Variants in LDLRAD4 observed in about 807,000 individuals in gnomAD.
LDLRAD4 encodes low-density lipoprotein receptor class A domain-containing protein 4.
In LDLRAD4, 5 loss-of-function variants were observed where a neutral mutation model predicts 17.0. That is an observed-to-expected ratio of 0.29 (90% CI 0.15 to 0.62). LDLRAD4 has a LOEUF of 0.62. LDLRAD4 is among the 20% of genes least tolerant of loss of function. The pLI is 0.84. For missense variants in LDLRAD4, 340 were observed against 424.7 expected (o/e 0.80, Z 1.75); for synonymous variants, 168 against 171.8 (o/e 0.98, Z 0.17).
chr18:13,324,943 G>C (rs141907827), intron 1 of LDLRAD4, among the ~76,000 whole-genome samples: 1 of 152,180 alleles, frequency 6.6e-6, no homozygotes, highest in Non-Finnish European at 1.5e-5. Context: ...GTAGAGGGAC[G>C]TCAATTACGC....
intron 3 of LDLRAD4, among the ~76,000 whole-genome samples, chr18:13,551,427 A>G (rs1300506220): frequency 1.3e-5 from 2 of 152,220 alleles, no homozygotes; most frequent in Non-Finnish European, 2.9e-5. Flanking sequence ...GACACAGAGC[A>G]AAGAGTGAAT....
exon 6 of LDLRAD4, chr18:13,650,665 A>G: frequency 3.6e-6 from 1 of 276,950 alleles, no homozygotes; most frequent in Non-Finnish European, 6.7e-6. Flanking sequence ...AGTTGAATAT[A>G]TTATGCACAT....
intron 3 of LDLRAD4, among the ~76,000 whole-genome samples, chr18:13,620,288 C>T (rs957268209): frequency 2.0e-5 from 3 of 152,234 alleles, no homozygotes; most frequent in African/African-American, 7.2e-5. Context: ...TCTCTTCTTA[C>T]TCCTGCCTCC....
intron 3 of LDLRAD4, among the ~76,000 whole-genome samples, chr18:13,463,263 A>G (rs1262663020): frequency 6.6e-6 from 1 of 152,050 alleles, no homozygotes; most frequent in Non-Finnish European, 1.5e-5. Context: ...CCTGTCCCCC[A>G]GTTCTCCTTT....
chr18:13,321,604 G>A (rs575708571), intron 1 of LDLRAD4, among the ~76,000 whole-genome samples: 54 of 152,150 alleles, frequency 3.5e-4, no homozygotes, highest in Admixed American at 7.9e-4. Context: ...GGTGACTCAC[G>A]CCTGTAATCC....
chr18:13,271,372 G>T (rs770255276), intron 1 of LDLRAD4, among the ~76,000 whole-genome samples: 2 of 152,192 alleles, frequency 1.3e-5, no homozygotes, highest in Non-Finnish European at 2.9e-5. Flanking sequence ...AAAGCGAAGG[G>T]TGGAGAGGGA....
At position 13,429,903 on chromosome 18, in the gene LDLRAD4, A is replaced by G. The variant is rs76728359; in HGVS notation, c.41-8341A>G. Among the ~76,000 whole-genome samples, 628 of 152,352 alleles carry G rather than the reference A, an allele frequency of 4.1e-3. 5 individuals are homozygous for G. Among genetic ancestry groups the G allele is most frequent in the African/African-American group, 0.014 (600 of 41,588 alleles). On this transcript the variant is annotated intron_variant, in intron 2 of 5. Coordinates refer to ENST00000359446, the Ensembl canonical transcript of LDLRAD4. ...CACTTTATCATAGGAATCTAGAGAT[A>G]AAGAGTTGCCTGAGGATACACAGAA...
At chr18:13,273,541 C>G (rs1023274890), upstream of LDLRAD4, among the ~76,000 whole-genome samples, 3 of 152,184 alleles carry the variant, frequency 2.0e-5, no homozygotes, top group Non-Finnish European at 4.4e-5. Flanking sequence ...ATCCTCCCAC[C>G]TTGGCCTCTC....
At chr18:13,531,267 G>A (rs143005947) in intron 3 of LDLRAD4, among the ~76,000 whole-genome samples, 2 of 152,256 alleles carry the variant, frequency 1.3e-5, no homozygotes, top group Non-Finnish European at 2.9e-5. Flanking sequence ...AGACAGATGT[G>A]TGACTGTCCT....
At chr18:13,494,791 G>A (rs1243525565) in intron 3 of LDLRAD4, among the ~76,000 whole-genome samples, 1 of 149,172 alleles carries the variant, frequency 6.7e-6, no homozygotes, top group African/African-American at 2.5e-5. Flanking sequence ...CAGGATGAAG[G>A]CTTTATCAAT....
At chr18:13,625,386 T>A (rs537482327) in intron 4 of LDLRAD4, among the ~76,000 whole-genome samples, 1 of 152,204 alleles carries the variant, frequency 6.6e-6, no homozygotes, top group Admixed American at 6.5e-5. Flanking sequence ...AGGAGGAGGA[T>A]GAGCAGGCCA....
intron 3 of LDLRAD4, among the ~76,000 whole-genome samples, chr18:13,610,113 A>T (rs1327409441): frequency 6.6e-6 from 1 of 152,128 alleles, no homozygotes. Flanking sequence ...AAAGAAAAAA[A>T]TGTTGATTTT....
chr18:13,540,228 G>T (rs1025908224), intron 3 of LDLRAD4, among the ~76,000 whole-genome samples: 1 of 152,198 alleles, frequency 6.6e-6, no homozygotes, highest in African/African-American at 2.4e-5. Flanking sequence ...ACTAGCAAAA[G>T]ATATGGGCCA....
At chr18:13,313,462 C>T (rs1011833109) in intron 1 of LDLRAD4, among the ~76,000 whole-genome samples, 2 of 152,188 alleles carry the variant, frequency 1.3e-5, no homozygotes, top group African/African-American at 2.4e-5. Flanking sequence ...ACACTTCTTC[C>T]TGTTGCAAGA....
intron 1 of LDLRAD4, among the ~76,000 whole-genome samples, chr18:13,227,537 C>A (rs182217973): frequency 6.6e-6 from 1 of 152,172 alleles, no homozygotes; most frequent in African/African-American, 2.4e-5. Context: ...GTGGGTCCCA[C>A]AGGACCTGGT....
intron 3 of LDLRAD4, among the ~76,000 whole-genome samples, chr18:13,537,419 G>A (rs1181906220): frequency 6.6e-6 from 1 of 152,114 alleles, no homozygotes; most frequent in Non-Finnish European, 1.5e-5. Context: ...TCAGATAATC[G>A]TCATCAGGCA....
chr18:13,636,004 C>T (rs1248618710), intron 4 of LDLRAD4, among the ~76,000 whole-genome samples: 3 of 151,824 alleles, frequency 2.0e-5, no homozygotes, highest in Non-Finnish European at 4.4e-5. Context: ...TAGGGACTGT[C>T]TCAGGAAAGC....
chr18:13,265,974 T>A (rs924160990), intron 1 of LDLRAD4, among the ~76,000 whole-genome samples: 4 of 152,206 alleles, frequency 2.6e-5, no homozygotes, highest in Non-Finnish European at 5.9e-5. Context: ...GATCTAGGTT[T>A]AGAGCTCTGG....
At chr18:13,459,677 C>T (rs2146533988) in intron 3 of LDLRAD4, among the ~76,000 whole-genome samples, 1 of 152,220 alleles carries the variant, frequency 6.6e-6, no homozygotes, top group East Asian at 1.9e-4. Context: ...GCCACCGCAC[C>T]CGGTCAAATT....
Sources: allele counts gnomAD v4.1 joint callset (sites outside exome capture counted in the v4.1 genomes callset), GRCh38; gene constraint gnomAD v4.1.1; transcripts MANE v1.5; gene names NCBI Gene and HGNC (gene_info 2026-07-23, HGNC 2026-07-21).